Variants in MOK observed in about 807,000 individuals in gnomAD.
The protein encoded by MOK is MOK protein kinase, also known as MAPK/MAK/MRK overlapping kinase.
In MOK, 59 loss-of-function variants were observed where a neutral mutation model predicts 54.2. The ratio of observed to expected loss-of-function variants is 1.09; its 90% CI spans 0.88 to 1.35. The LOEUF is 1.35. Ranked by LOEUF, MOK falls within the 40% of genes most tolerant of loss-of-function variation. The pLI is 0.00. For synonymous variants in MOK, 210 were observed against 202.7 expected, an observed-to-expected ratio of 1.04 and a Z score of -0.31; for missense variants, 517 against 526.2, an observed-to-expected ratio of 0.98 and a Z score of 0.17.
intron 2 of MOK, among the ~76,000 whole-genome samples, chr14:102,282,968 C>A (rs778664467): frequency 6.8e-6 from 1 of 148,118 alleles, no homozygotes; most frequent in Non-Finnish European, 1.5e-5. Context: ...TCACGAGAAT[C>A]GCTTGAACTG....
chr14:102,294,927 T>C (rs1339997916), intron 1 of MOK, among the ~76,000 whole-genome samples: 3 of 152,172 alleles, frequency 2.0e-5, no homozygotes, highest in South Asian at 2.1e-4. Flanking sequence ...GGGTCACTTG[T>C]TTCCCTCATG....
At chr14:102,252,885 G>A (rs1010819697) in intron 4 of MOK, among the ~76,000 whole-genome samples, 3 of 152,206 alleles carry the variant, frequency 2.0e-5, no homozygotes, top group African/African-American at 7.2e-5. Flanking sequence ...GGGGAAATAT[G>A]ACATAGGAGA....
At chr14:102,286,444 C>T (rs1223650618) in intron 1 of MOK, among the ~76,000 whole-genome samples, 9 of 151,696 alleles carry the variant, frequency 5.9e-5, no homozygotes, top group Admixed American at 3.3e-4. Flanking sequence ...ACATAGACCC[C>T]GTCTCTACAA....
chr14:102,266,656 C>A (rs1446146861), intron 2 of MOK, among the ~76,000 whole-genome samples: 1 of 152,108 alleles, frequency 6.6e-6, no homozygotes. Flanking sequence ...GATCTTGGCT[C>A]ACTGCAACCT....
At position 102,266,115 on chromosome 14, in the gene MOK, A is replaced by G. The variant is rs565214648; in HGVS notation, c.123-203T>C. 3.3e-5 allele frequency among the ~76,000 whole-genome samples: 5 copies of G among 152,344 alleles called. No individual in the cohort carries two copies. In the South Asian group the frequency reaches 1.0e-3, roughly 32 times the overall value. ...ATCAAGGTTCTTATAGCTAGAACATACGTTAAAATTTTTCCCATCTAAGAT... is the reference window on the plus strand; with the variant it reads ...ATCAAGGTTCTTATAGCTAGAACATGCGTTAAAATTTTTCCCATCTAAGAT... On this transcript the variant is annotated intron_variant, in intron 2 of 11. Coordinates refer to ENST00000361847, the MANE Select transcript of MOK (RefSeq NM_014226.3).
At chr14:102,293,485 G>A (rs2071000831) in intron 1 of MOK, among the ~76,000 whole-genome samples, 1 of 151,120 alleles carries the variant, frequency 6.6e-6, no homozygotes. Context: ...GATCACCTGA[G>A]GTCAGGAGTT....
chr14:102,224,406 C>T (rs1263244031), downstream of MOK: 6 of 370,492 alleles, frequency 1.6e-5, no homozygotes, highest in Admixed American at 3.5e-5. Context: ...GCATCCCACA[C>T]CTGCTCAGCG....
At chr14:102,224,466 T>C, downstream of MOK, 3 of 410,016 alleles carry the variant, frequency 7.3e-6, no homozygotes, top group East Asian at 7.1e-5. Context: ...GAAGAATGTT[T>C]ATTTATTTTT....
intron 1 of MOK, among the ~76,000 whole-genome samples, chr14:102,289,571 CCT>C (rs1342006409): frequency 2.0e-5 from 3 of 152,094 alleles, no homozygotes; most frequent in Non-Finnish European, 2.9e-5. Flanking sequence ...CTCACTACAA[CCT>C]CCATCTTCCA....
In MOK at chr14:102,245,281, C is replaced by G. The variant is rs763979837; in HGVS notation, c.590+5531G>C. On this transcript the variant is annotated intron_variant, in intron 7 of 11. Coordinates refer to ENST00000361847, the MANE Select transcript of MOK (RefSeq NM_014226.3). The surrounding 1 kb of genome is among the most constrained non-coding windows in gnomAD (Gnocchi z 4.3). ...TTCCCACGCCACCCCTAATCCCACT[C>G]GAAGCAGCCCTGAGAAACATCGCCC... Among the ~76,000 whole-genome samples, 4 of 152,084 alleles carry G rather than the reference C, an allele frequency of 2.6e-5. No individual in the cohort carries two copies. The highest frequency in any genetic ancestry group is 1.9e-4 in the East Asian group (1 of 5,188).
At chr14:102,275,498 A>G (rs1009388396) in intron 2 of MOK, among the ~76,000 whole-genome samples, 14 of 147,432 alleles carry the variant, frequency 9.5e-5, no homozygotes, top group African/African-American at 3.5e-4. Context: ...TGGGAGGCGG[A>G]GCTTGCAGTG....
intron 2 of MOK, among the ~76,000 whole-genome samples, chr14:102,275,955 C>T (rs1225332325): frequency 6.6e-6 from 1 of 151,824 alleles, no homozygotes. Context: ...TTCTTAAGGT[C>T]TAAATTTTTA....
intron 2 of MOK, among the ~76,000 whole-genome samples, chr14:102,273,233 T>C (rs1397056838): frequency 6.6e-6 from 1 of 150,890 alleles, no homozygotes; most frequent in African/African-American, 2.4e-5. Context: ...AGGTGACATA[T>C]TTCTTTAAGT....
downstream of MOK, among the ~76,000 whole-genome samples, chr14:102,226,729 C>T (rs936846869): frequency 1.4e-4 from 21 of 152,304 alleles, no homozygotes; most frequent in African/African-American, 5.1e-4. The surrounding 1 kb of genome is among the most constrained non-coding windows in gnomAD (Gnocchi z 4.8). Context: ...GCAGGATTTC[C>T]CTTTTCTCCA....
intron 6 of MOK, 176 bp downstream of exon 6, chr14:102,251,580 G>A: frequency 1.5e-6 from 1 of 677,552 alleles, no homozygotes; most frequent in Non-Finnish European, 2.7e-6. Context: ...TTATGTTGAT[G>A]GCATTTATTA....
intron 2 of MOK, among the ~76,000 whole-genome samples, chr14:102,281,124 G>T (rs1040610087): frequency 2.2e-4 from 34 of 152,250 alleles, no homozygotes; most frequent in African/African-American, 7.7e-4. Context: ...AGGAGTCTGA[G>T]ACCAGCCTGG....
At chr14:102,248,440 T>C (rs2066265428) in intron 7 of MOK, among the ~76,000 whole-genome samples, 1 of 151,958 alleles carries the variant, frequency 6.6e-6, no homozygotes, top group Non-Finnish European at 1.5e-5. Context: ...ATCTAGTTGC[T>C]ACCACAAACA....
chr14:102,287,267 G>A (rs532785407), intron 1 of MOK, among the ~76,000 whole-genome samples: 2 of 152,058 alleles, frequency 1.3e-5, no homozygotes, highest in African/African-American at 2.4e-5. Context: ...TCAGGAGTTC[G>A]AGACCAGCCT....
chr14:102,300,344 A>G (rs2072034207), intron 1 of MOK, among the ~76,000 whole-genome samples: 2 of 150,536 alleles, frequency 1.3e-5, no homozygotes, highest in Admixed American at 1.3e-4. Flanking sequence ...AAAAAAAAAA[A>G]AAGCCTGGGC....
Sources: allele counts gnomAD v4.1 joint callset (sites outside exome capture counted in the v4.1 genomes callset), GRCh38; gene constraint gnomAD v4.1.1; non-coding constraint Gnocchi (gnomAD v3.1); transcripts MANE v1.5; gene names NCBI Gene and HGNC (gene_info 2026-07-23, HGNC 2026-07-21).